The following KCNH8 variants were observed in gnomAD, a reference collection of about 807,000 sequenced individuals.
KCNH8 encodes voltage-gated delayed rectifier potassium channel KCNH8.
In KCNH8, 70 loss-of-function variants were observed where a neutral mutation model predicts 103.6. That is an observed-to-expected ratio of 0.68 (90% confidence interval 0.56 to 0.82). The LOEUF (loss-of-function observed/expected upper bound fraction) is 0.82, where lower values mean the gene tolerates loss of function less well. Ranked by LOEUF, KCNH8 falls within the 40% of genes least tolerant of loss-of-function variation. The pLI, the probability that KCNH8 is intolerant of heterozygous loss-of-function variation, is 0.00. For synonymous variants in KCNH8, 498 were observed against 489.4 expected (o/e 1.02, Z -0.23); for missense variants, 1,217 against 1,329.9 (o/e 0.92, Z 1.32).
chr3:19,450,874 C>T, intron 9 of KCNH8: 1 of 390,478 alleles, frequency 2.6e-6, no homozygotes, highest in Non-Finnish European at 4.7e-6. Flanking sequence ...CTAGGACTCT[C>T]TGTGAGAAGG....
In KCNH8 at chr3:19,510,842, C is replaced by T. The variant is rs574970566; in HGVS notation, c.2079+441C>T. On this transcript the variant is annotated intron_variant, in intron 12 of 15. Coordinates refer to ENST00000328405, the MANE Select transcript of KCNH8 (RefSeq NM_144633.3). ...CTAATTAATTTCAAGAAAAGTTTCC[C>T]GAAAAAACTAATTTGTTAAGATTAT... 1.2e-3 allele frequency among the ~76,000 whole-genome samples: 186 copies of T among 152,038 alleles called. 1 individual carries two copies. Among genetic ancestry groups the T allele is most frequent in the South Asian group, 2.9e-3 (14 of 4,812 alleles).
intron 1 of KCNH8, among the ~76,000 whole-genome samples, chr3:19,177,588 A>G (rs917883344): frequency 6.6e-6 from 1 of 152,048 alleles, no homozygotes; most frequent in Admixed American, 6.6e-5. Flanking sequence ...TTAAAACTTG[A>G]GTATTTAAAT....
intron 5 of KCNH8, among the ~76,000 whole-genome samples, chr3:19,381,076 G>A (rs1356883916): frequency 4.0e-5 from 6 of 151,862 alleles, no homozygotes; most frequent in South Asian, 2.1e-4. Flanking sequence ...TAAATTTTAC[G>A]TTTAAAGTCA....
rs181907139 is a variant in KCNH8 at position 19,164,822 on chromosome 3, C to A, written c.76+16027C>A. Among the ~76,000 whole-genome samples, 162 of 152,246 alleles carry A rather than the reference C, an allele frequency of 1.1e-3. 1 individual carries two copies. The highest frequency in any genetic ancestry group is 2.2e-4 in the Non-Finnish European group (15 of 68,028). On this transcript the variant is annotated intron_variant, in intron 1 of 15. Transcript: ENST00000328405. Reference sequence around the variant, plus strand: ...TACCTCTCTTGTTAGAATAAAGTACCCACAAGGCTGTTTTTACCTAAGGAG... The same window carrying A: ...TACCTCTCTTGTTAGAATAAAGTACACACAAGGCTGTTTTTACCTAAGGAG...
intron 1 of KCNH8, among the ~76,000 whole-genome samples, chr3:19,222,333 T>C: frequency 6.6e-6 from 1 of 152,228 alleles, no homozygotes; most frequent in East Asian, 1.9e-4. Flanking sequence ...TCCTAAATGT[T>C]ATTTTTGCTG....
At chr3:19,392,329 A>G (rs964009409) in intron 6 of KCNH8, among the ~76,000 whole-genome samples, 5 of 150,528 alleles carry the variant, frequency 3.3e-5, no homozygotes, top group African/African-American at 4.9e-5. Context: ...AAAAAAAAAA[A>G]AAAAAGAAAA....
intron 11 of KCNH8, among the ~76,000 whole-genome samples, chr3:19,493,777 C>T (rs936625602): frequency 2.0e-5 from 3 of 152,068 alleles, no homozygotes; most frequent in African/African-American, 7.3e-5. Flanking sequence ...CTGCCCTACA[C>T]AACATTATTC....
rs867654026 is a variant in KCNH8 at position 19,364,927 on chromosome 3, C to T, written c.811+16962C>T. 3.3e-5 allele frequency among the ~76,000 whole-genome samples: 5 copies of T among 152,178 alleles called. No homozygotes were observed. The South Asian group carries it at 1.0e-3, about 32-fold the overall frequency. On this transcript the variant is annotated intron_variant, in intron 5 of 15. Transcript: ENST00000328405. ...AACGGATACCCAGGATGTGTAACCA[C>T]TACATTTTCCTTAACCATATGAAAC... is the stretch of plus-strand genomic sequence containing the variant.
At chr3:19,178,142 G>T (rs531336287) in intron 1 of KCNH8, among the ~76,000 whole-genome samples, 5 of 152,000 alleles carry the variant, frequency 3.3e-5, no homozygotes, top group African/African-American at 1.2e-4. Context: ...TTCTGCACTG[G>T]ATTGTTAATA....
intron 11 of KCNH8, among the ~76,000 whole-genome samples, chr3:19,476,187 A>T (rs2067971771): frequency 1.3e-5 from 2 of 152,138 alleles, no homozygotes; most frequent in South Asian, 2.1e-4. Flanking sequence ...TTTGTGGCTA[A>T]TTGAGCTTAA....
intron 1 of KCNH8, among the ~76,000 whole-genome samples, chr3:19,215,769 G>C (rs1180821138): frequency 6.6e-6 from 1 of 152,192 alleles, no homozygotes; most frequent in Non-Finnish European, 1.5e-5. Flanking sequence ...ATTCTTGCTA[G>C]TAGGCTCTCC....
rs149495824 is a variant in KCNH8, at chr3:19,498,556, G to A, written c.2041-11807G>A. Among the ~76,000 whole-genome samples the A allele has an allele frequency of 7.6e-3, 1,159 of 152,014 alleles. 13 individuals are homozygous for A. The highest frequency in any genetic ancestry group is 0.02 in the South Asian group (96 of 4,800). Reference sequence around the variant, plus strand: ...TGGTGGAAAATTATTTTCTTTGATCGTCTGAAGCCTTCTTCTCTCAACTCG... The same window carrying A: ...TGGTGGAAAATTATTTTCTTTGATCATCTGAAGCCTTCTTCTCTCAACTCG... On this transcript the variant is annotated intron_variant, in intron 11 of 15. Transcript: ENST00000328405.
chr3:19,503,235 T>C (rs868558271), intron 11 of KCNH8, among the ~76,000 whole-genome samples: 7,121 of 139,092 alleles, frequency 0.051, 237 homozygotes, highest in Non-Finnish European at 0.08. Flanking sequence ...GAGATACCAT[T>C]TCACACCAGT....
chr3:19,271,288 A>G (rs1356059956), intron 2 of KCNH8, among the ~76,000 whole-genome samples: 1 of 152,178 alleles, frequency 6.6e-6, no homozygotes, highest in Admixed American at 6.5e-5. Flanking sequence ...CATCTTTACA[A>G]TAAACAGTTC....
At chr3:19,201,535 A>T (rs757413888) in intron 1 of KCNH8, among the ~76,000 whole-genome samples, 55 of 152,194 alleles carry the variant, frequency 3.6e-4, no homozygotes, top group Non-Finnish European at 6.8e-4. Context: ...GAGTGGGGGA[A>T]CTTGAACATA....
chr3:19,429,456 G>A (rs989025319), intron 7 of KCNH8, among the ~76,000 whole-genome samples: 1 of 152,148 alleles, frequency 6.6e-6, no homozygotes, highest in African/African-American at 2.4e-5. Flanking sequence ...TTACAGGCGT[G>A]AGCCACCGCG....
intron 1 of KCNH8, among the ~76,000 whole-genome samples, chr3:19,209,892 T>A (rs1413252826): frequency 1.3e-5 from 2 of 152,164 alleles, no homozygotes; most frequent in Admixed American, 6.6e-5. Flanking sequence ...GTGTAGTCCC[T>A]AGGTAAGCCC....
At chr3:19,455,015 A>G (rs74317617) in intron 10 of KCNH8, among the ~76,000 whole-genome samples, 2,975 of 152,276 alleles carry the variant, frequency 0.02, 103 homozygotes, top group African/African-American at 0.067. Context: ...CAAGTACATG[A>G]CATTATACTT....
At chr3:19,236,367 T>C (rs1256183280) in intron 1 of KCNH8, among the ~76,000 whole-genome samples, 1 of 152,174 alleles carries the variant, frequency 6.6e-6, no homozygotes, top group Non-Finnish European at 1.5e-5. Context: ...TTATACACTA[T>C]CTCTTCTCTT....
Sources: gnomAD v4.1 joint callset for allele counts (sites outside exome capture counted in the v4.1 genomes callset) on GRCh38, gnomAD v4.1.1 for gene constraint, MANE v1.5 for transcripts, NCBI Gene and HGNC (gene_info 2026-07-23, HGNC 2026-07-21) for gene names.